Variants in AGMO observed in about 807,000 individuals in gnomAD.
AGMO encodes glyceryl-ether monooxygenase.
AGMO carries 75 observed loss-of-function variants against 60.2 expected under a neutral mutation model. The observed-to-expected ratio is 1.25, with a 90% CI of 1.03 to 1.51. The LOEUF (loss-of-function observed/expected upper bound fraction) is 1.51, where lower values mean the gene tolerates loss of function less well. Ranked by LOEUF, AGMO falls within the 40% of genes most tolerant of loss-of-function variation. AGMO has a pLI of 0.00. For synonymous variants in AGMO, 261 were observed against 177.1 expected, an observed-to-expected ratio of 1.47 and a Z score of -3.76; for missense variants, 763 against 525.5, an observed-to-expected ratio of 1.45 and a Z score of -4.42.
At position 15,544,805 on chromosome 7, in the gene AGMO, A is replaced by T. The variant is rs752419181; in HGVS notation, c.376T>A (p.Phe126Ile). The T allele has an allele frequency of 6.2e-6, 10 of 1,607,206 alleles. No homozygotes were observed. The highest frequency in any genetic ancestry group is 8.5e-6 in the Non-Finnish European group (10 of 1,176,800). The change falls in exon 3 of 13, where the codon TTT becomes ATT. Residue 126 changes from phenylalanine to isoleucine, a missense_variant. Physicochemically the swap from Phe to Ile is conservative, Grantham distance 21. Coordinates refer to ENST00000342526, the MANE Select transcript of AGMO (RefSeq NM_001004320.2). ...ATACGATGGAACCAGTAGTAGCCAA[A>T]GTCAACTCCTAAGAAGGCTGAATAC... ...TWYSAFLGVDFGYYWFHRMAH... is the reference protein window; with the variant it reads ...TWYSAFLGVDIGYYWFHRMAH...
At chr7:15,437,584 G>T (rs940267297) in intron 3 of AGMO, among the ~76,000 whole-genome samples, 2 of 140,908 alleles carry the variant, frequency 1.4e-5, no homozygotes, top group Admixed American at 7.7e-5. Context: ...GCCCAGGCTC[G>T]AGTGCAGTGG....
chr7:15,155,375 T>G, the AGMO span, among the ~76,000 whole-genome samples: 4 of 150,346 alleles, frequency 2.7e-5, no homozygotes, highest in Admixed American at 6.6e-5. Context: ...TTCCTCAGGT[T>G]GGTCTATTCT....
intron 12 of AGMO, among the ~76,000 whole-genome samples, chr7:15,337,685 T>C (rs187096637): frequency 1.4e-4 from 22 of 152,248 alleles, no homozygotes; most frequent in African/African-American, 4.3e-4. Flanking sequence ...AGGAATAGGT[T>C]CACGAAATGC....
chr7:15,151,275 C>G, the AGMO span, among the ~76,000 whole-genome samples: 1 of 152,022 alleles, frequency 6.6e-6, no homozygotes, highest in East Asian at 1.9e-4. Flanking sequence ...AAAGAACAAA[C>G]TTTTCGTTTC....
At chr7:15,355,214 C>T (rs999766730) in intron 12 of AGMO, among the ~76,000 whole-genome samples, 32 of 152,030 alleles carry the variant, frequency 2.1e-4, no homozygotes, top group East Asian at 1.6e-3. Flanking sequence ...CTAAAGAAGC[C>T]AATATTGGCT....
At chr7:15,308,409 G>T (rs1237850839) in intron 12 of AGMO, among the ~76,000 whole-genome samples, 1 of 152,004 alleles carries the variant, frequency 6.6e-6, no homozygotes, top group Non-Finnish European at 1.5e-5. Context: ...TTTCTGACCT[G>T]CCAATGTCAG....
At chr7:15,340,179 C>G (rs1478350701) in intron 12 of AGMO, among the ~76,000 whole-genome samples, 1 of 152,106 alleles carries the variant, frequency 6.6e-6, no homozygotes, top group Non-Finnish European at 1.5e-5. Flanking sequence ...ATACACATAG[C>G]CTGAAGGTAA....
rs188198981 is a variant in AGMO, at chr7:15,202,630, A to G, written c.1264-1271T>C. ...CAAATTCATGCATTCCTTTTAGCCT[A>G]TAACACCCACAATATGAAAAAATAC... is the stretch of plus-strand genomic sequence containing the variant. On this transcript the variant is annotated intron_variant, in intron 12 of 12. Coordinates refer to ENST00000342526, the MANE Select transcript of AGMO (RefSeq NM_001004320.2). Among the ~76,000 whole-genome samples the G allele has an allele frequency of 5.9e-4, 90 of 152,190 alleles. 2 individuals are homozygous for G. The highest frequency in any genetic ancestry group is 1.6e-4 in the Non-Finnish European group (11 of 67,992).
At chr7:15,316,914 T>C (rs1419872176) in intron 12 of AGMO, among the ~76,000 whole-genome samples, 2 of 152,202 alleles carry the variant, frequency 1.3e-5, no homozygotes, top group African/African-American at 2.4e-5. Flanking sequence ...GATTTCATGG[T>C]AATCAAATCA....
intron 3 of AGMO, among the ~76,000 whole-genome samples, chr7:15,473,911 T>A (rs1360170649): frequency 1.3e-5 from 2 of 151,486 alleles, no homozygotes; most frequent in Non-Finnish European, 3.0e-5. Flanking sequence ...ACACAAATAG[T>A]CAATCAGAGA....
downstream of AGMO, among the ~76,000 whole-genome samples, chr7:15,199,754 T>C (rs553015635): frequency 6.6e-6 from 1 of 152,220 alleles, no homozygotes. Flanking sequence ...ATTCAATATA[T>C]GTTATAGGCT....
chr7:15,133,890 C>T, the AGMO span, among the ~76,000 whole-genome samples: 11 of 152,132 alleles, frequency 7.2e-5, no homozygotes, highest in Admixed American at 7.2e-4. Context: ...CTGAACACCT[C>T]ATCTTTGCCT....
At chr7:15,361,819 C>G (rs1398423810) in intron 12 of AGMO, among the ~76,000 whole-genome samples, 2 of 152,082 alleles carry the variant, frequency 1.3e-5, no homozygotes, top group African/African-American at 4.8e-5. Context: ...TGTAGGAAGA[C>G]TATTACCATG....
intron 3 of AGMO, among the ~76,000 whole-genome samples, chr7:15,540,371 G>T (rs1472631940): frequency 6.6e-6 from 1 of 152,154 alleles, no homozygotes; most frequent in Non-Finnish European, 1.5e-5. Context: ...TTGCCAGAGG[G>T]TGTAGGCTAC....
rs537621694 is a variant in AGMO, at chr7:15,217,503, G to A, written c.1264-16144C>T. ...GAAGAAGCAGGAAAGATATTATAAA[G>A]TAAGTTTTAAGTTTAAAGGGATTAA... On this transcript the variant is annotated intron_variant, in intron 12 of 12. Transcript: ENST00000342526. Among the ~76,000 whole-genome samples the A allele has an allele frequency of 1.5e-4, 23 of 152,052 alleles. No individual in the cohort carries two copies. In the East Asian group the frequency reaches 4.3e-3, roughly 28 times the overall value.
At chr7:15,267,354 G>A (rs540752815) in intron 12 of AGMO, among the ~76,000 whole-genome samples, 13 of 151,762 alleles carry the variant, frequency 8.6e-5, no homozygotes, top group Non-Finnish European at 1.8e-4. Flanking sequence ...AAGTGAAAAA[G>A]ACAGAATAAA....
At chr7:15,524,132 A>T (rs866572073) in intron 3 of AGMO, among the ~76,000 whole-genome samples, 34 of 152,158 alleles carry the variant, frequency 2.2e-4, no homozygotes, top group African/African-American at 7.2e-4. Context: ...TCAATGTTAG[A>T]CAATAGAAGT....
intron 3 of AGMO, among the ~76,000 whole-genome samples, chr7:15,506,414 G>C (rs1562541636): frequency 6.6e-6 from 1 of 151,974 alleles, no homozygotes; most frequent in Non-Finnish European, 1.5e-5. Context: ...AAACAGTACA[G>C]CACTTGCCCT....
At chr7:15,469,036 A>T (rs1164021076) in intron 3 of AGMO, among the ~76,000 whole-genome samples, 1 of 152,218 alleles carries the variant, frequency 6.6e-6, no homozygotes, top group Non-Finnish European at 1.5e-5. Context: ...AACTCAGAAC[A>T]TATTTAGGAA....
Sources: allele counts gnomAD v4.1 joint callset (sites outside exome capture counted in the v4.1 genomes callset), GRCh38; gene constraint gnomAD v4.1.1; transcripts MANE v1.5; gene names NCBI Gene and HGNC (gene_info 2026-07-23, HGNC 2026-07-21).